Variants in MEIS1 observed in about 807,000 individuals in gnomAD.
MEIS1 encodes the protein homeobox protein Meis1.
MEIS1 carries 5 observed loss-of-function variants against 50.8 expected under a neutral mutation model. That is an observed-to-expected ratio of 0.10 (90% CI 0.05 to 0.21). The LOEUF (loss-of-function observed/expected upper bound fraction) is 0.21, where lower values mean the gene tolerates loss of function less well. Ranked by LOEUF, MEIS1 falls within the 10% of genes least tolerant of loss-of-function variation. The pLI, the probability that MEIS1 is intolerant of heterozygous loss-of-function variation, is 1.00. For missense variants in MEIS1, 318 were observed against 517.3 expected, an observed-to-expected ratio of 0.61 and a Z score of 3.74; for synonymous variants, 176 against 179.3, an observed-to-expected ratio of 0.98 and a Z score of 0.15.
intron 6 of MEIS1, among the ~76,000 whole-genome samples, chr2:66,444,544 C>A (rs1672080388): frequency 6.6e-6 from 1 of 152,242 alleles, no homozygotes; most frequent in South Asian, 2.1e-4. Context: ...GCACTGTGAT[C>A]TGGAGAGTTG....
intron 7 of MEIS1, among the ~76,000 whole-genome samples, chr2:66,507,129 C>T (rs1673702669): frequency 6.6e-6 from 1 of 152,194 alleles, no homozygotes; most frequent in Non-Finnish European, 1.5e-5. Context: ...ATGTAGCCAT[C>T]TTACAACAGG....
chr2:66,446,739 C>G (rs929535135), intron 6 of MEIS1, among the ~76,000 whole-genome samples: 1 of 152,134 alleles, frequency 6.6e-6, no homozygotes, highest in African/African-American at 2.4e-5. Context: ...GAGCCACGCT[C>G]GCCAGGCAGG....
chr2:66,442,728 A>G (rs1182901736), intron 5 of MEIS1, 174 bp from the exon 6 acceptor site: 1 of 580,414 alleles, frequency 1.7e-6, no homozygotes, highest in Non-Finnish European at 2.9e-6. Flanking sequence ...CTATTTTGCA[A>G]GAAAAGAAAG....
At chr2:66,486,432 C>G (rs1160007978) in intron 7 of MEIS1, among the ~76,000 whole-genome samples, 3 of 151,994 alleles carry the variant, frequency 2.0e-5, no homozygotes, top group Non-Finnish European at 4.4e-5. Context: ...ATTTCTGAGG[C>G]CTCTGTTCTG....
chr2:66,483,481 T>C (rs1673067763), intron 7 of MEIS1, among the ~76,000 whole-genome samples: 2 of 152,210 alleles, frequency 1.3e-5, no homozygotes, highest in South Asian at 4.1e-4. Context: ...TTGGCTGCCC[T>C]TTTGTGTCAG....
intron 7 of MEIS1, among the ~76,000 whole-genome samples, chr2:66,508,154 G>A (rs948496749): frequency 1.3e-5 from 2 of 152,188 alleles, no homozygotes; most frequent in African/African-American, 4.8e-5. Context: ...TTCTCCCCCT[G>A]CTCGTTAGAA....
chr2:66,570,181 A>G (rs1297528779), intron 12 of MEIS1: 1 of 152,210 alleles, frequency 6.6e-6, no homozygotes, highest in Non-Finnish European at 1.5e-5. Context: ...GTCAAATATA[A>G]GTTTAACAAT....
chr2:66,536,060 G>A (rs1049019171), intron 8 of MEIS1, among the ~76,000 whole-genome samples: 1 of 152,150 alleles, frequency 6.6e-6, no homozygotes, highest in African/African-American at 2.4e-5. Context: ...GATAATGCCT[G>A]TGTGTTAAAG....
intron 1 of MEIS1, 69 bp from the exon 2 acceptor site, chr2:66,437,668 G>C (rs1204507521): frequency 7.1e-7 from 1 of 1,418,432 alleles, no homozygotes; most frequent in East Asian, 2.3e-5. Flanking sequence ...TATAAGCTCG[G>C]TGCCTTGCCG....
rs116363607 is a variant in MEIS1 at position 66,520,951 on chromosome 2, A to G, written c.888+8657A>G. On this transcript the variant is annotated intron_variant, in intron 8 of 12. Transcript: ENST00000272369. ...AATCGCGTTGTGGGAGTTCAAAGATATAATTATAATCTCATTCCACAAGCT... is the reference window on the plus strand; with the variant it reads ...AATCGCGTTGTGGGAGTTCAAAGATGTAATTATAATCTCATTCCACAAGCT... 3.7e-3 allele frequency among the ~76,000 whole-genome samples: 571 copies of G among 152,368 alleles called. 6 individuals are homozygous for G. The highest frequency in any genetic ancestry group is 4.1e-3 in the Non-Finnish European group (281 of 68,034).
intron 6 of MEIS1, among the ~76,000 whole-genome samples, chr2:66,446,726 A>T (rs1672157651): frequency 6.6e-6 from 1 of 152,172 alleles, no homozygotes; most frequent in Non-Finnish European, 1.5e-5. Flanking sequence ...TTATGGAACC[A>T]GAGAGCCACG....
rs530169499 is a variant in MEIS1 at position 66,477,343 on chromosome 2, G to A, written c.742+13123G>A. 3.3e-5 allele frequency among the ~76,000 whole-genome samples: 5 copies of A among 152,292 alleles called. No individual in the cohort carries two copies. In the South Asian group the frequency reaches 1.0e-3, roughly 32 times the overall value. On this transcript the variant is annotated intron_variant, in intron 7 of 12. Coordinates refer to ENST00000272369, the MANE Select transcript of MEIS1 (RefSeq NM_002398.3). ...TGCAAAGGCTCTGGGATGATGCCAA[G>A]GTTTCAGAAGACTGACTACACAGAC...
intron 7 of MEIS1, among the ~76,000 whole-genome samples, chr2:66,497,831 A>G (rs1230275970): frequency 6.6e-6 from 1 of 152,218 alleles, no homozygotes; most frequent in African/African-American, 2.4e-5. Flanking sequence ...GTGGGAAATG[A>G]AAACTTGTAC....
chr2:66,560,956 G>C (rs866966066), intron 9 of MEIS1, among the ~76,000 whole-genome samples: 3 of 152,170 alleles, frequency 2.0e-5, no homozygotes, highest in African/African-American at 4.8e-5. Context: ...CATAAGGTTT[G>C]ACTTGAGAAT....
At chr2:66,522,230 G>A (rs1364433256) in intron 8 of MEIS1, among the ~76,000 whole-genome samples, 1 of 152,144 alleles carries the variant, frequency 6.6e-6, no homozygotes, top group Non-Finnish European at 1.5e-5. Flanking sequence ...TACAAATACA[G>A]GTTCTTATGT....
At chr2:66,498,527 G>A (rs1431570991) in intron 7 of MEIS1, among the ~76,000 whole-genome samples, 1 of 152,176 alleles carries the variant, frequency 6.6e-6, no homozygotes, top group Non-Finnish European at 1.5e-5. Flanking sequence ...GAGGCCTGCA[G>A]TGCTAACAGG....
chr2:66,538,037 G>A (rs914403196), intron 8 of MEIS1, among the ~76,000 whole-genome samples: 1 of 152,142 alleles, frequency 6.6e-6, no homozygotes, highest in African/African-American at 2.4e-5. Flanking sequence ...CCTTTCTTCT[G>A]TCCTGTGCTA....
intron 7 of MEIS1, among the ~76,000 whole-genome samples, chr2:66,486,020 G>A (rs185748590): frequency 4.8e-4 from 73 of 152,244 alleles, no homozygotes; most frequent in African/African-American, 1.7e-3. Context: ...TGGATAGATT[G>A]CAAAAATCTT....
intron 6 of MEIS1, among the ~76,000 whole-genome samples, chr2:66,457,151 A>T (rs1672410144): frequency 7.4e-6 from 1 of 134,422 alleles, no homozygotes; most frequent in Non-Finnish European, 1.6e-5. Flanking sequence ...TTGCTTAGTG[A>T]TTTCTAGGGA....
Sources: gnomAD v4.1 joint callset for allele counts (sites outside exome capture counted in the v4.1 genomes callset) on GRCh38, gnomAD v4.1.1 for gene constraint, MANE v1.5 for transcripts, NCBI Gene and HGNC (gene_info 2026-07-23, HGNC 2026-07-21) for gene names.